Variants in LRRC7 observed in about 807,000 individuals in gnomAD.
LRRC7 encodes the protein leucine rich repeat containing 7, also known as leucine-rich repeat-containing protein 7.
Under a neutral mutation model 175.7 loss-of-function variants are expected in LRRC7, and 23 were observed. That is an observed-to-expected ratio of 0.13 (90% CI 0.09 to 0.19). The LOEUF (loss-of-function observed/expected upper bound fraction) is 0.19. LRRC7 is among the 10% of genes least tolerant of loss of function. The probability of loss-of-function intolerance (pLI) is 1.00; values close to 1 mark genes in which losing one functional copy is unlikely to be tolerated. For synonymous variants in LRRC7, 685 were observed against 680.9 expected, an observed-to-expected ratio of 1.01 and a Z score of -0.09; for missense variants, 1,354 against 1,904.7, an observed-to-expected ratio of 0.71 and a Z score of 5.38.
chr1:69,736,207 A>C (rs113879697), intron 2 of LRRC7, among the ~76,000 whole-genome samples: 1,626 of 152,228 alleles, frequency 0.011, 38 homozygotes, highest in African/African-American at 0.037. Flanking sequence ...GTATTCTGTA[A>C]TGTACTTTTT....
intron 8 of LRRC7, among the ~76,000 whole-genome samples, chr1:69,969,773 A>T (rs1652037983): frequency 1.3e-5 from 2 of 152,196 alleles, no homozygotes; most frequent in Admixed American, 1.3e-4. Context: ...ACCCCAGAAC[A>T]AATAGACTTA....
intron 8 of LRRC7, among the ~76,000 whole-genome samples, chr1:69,934,620 A>G (rs1647793187): frequency 6.6e-6 from 1 of 151,926 alleles, no homozygotes; most frequent in Non-Finnish European, 1.5e-5. Flanking sequence ...GAGAGTAAGG[A>G]TCATTCATGA....
chr1:69,887,732 T>TTC (rs1340818862), intron 7 of LRRC7, among the ~76,000 whole-genome samples: 1 of 150,112 alleles, frequency 6.7e-6, no homozygotes, highest in Non-Finnish European at 1.5e-5. Flanking sequence ...TTCTGTTTTT[T>TTC]CCCCATCTTT....
At chr1:69,912,379 G>C (rs372924792) in intron 7 of LRRC7, among the ~76,000 whole-genome samples, 1 of 152,024 alleles carries the variant, frequency 6.6e-6, no homozygotes, top group Admixed American at 6.6e-5. Flanking sequence ...GCTTAACTTG[G>C]CTTAACTATT....
intron 7 of LRRC7, among the ~76,000 whole-genome samples, chr1:69,928,404 C>A (rs1419600258): frequency 6.6e-6 from 1 of 152,224 alleles, no homozygotes; most frequent in Non-Finnish European, 1.5e-5. Context: ...TGCACTGCCC[C>A]CAGCGGTGGA....
intron 1 of LRRC7, among the ~76,000 whole-genome samples, chr1:69,585,122 T>TA (rs1557436649): frequency 6.6e-6 from 1 of 152,176 alleles, no homozygotes; most frequent in Non-Finnish European, 1.5e-5. Context: ...CTCAAACATT[T>TA]ACAAAACTAC....
At chr1:69,731,614 CAAAGGT>C (rs1667592302) in intron 2 of LRRC7, among the ~76,000 whole-genome samples, 2 of 152,316 alleles carry the variant, frequency 1.3e-5, no homozygotes, top group South Asian at 4.1e-4. Flanking sequence ...ACATCCTCTT[CAAAGGT>C]AACTTTTTGT....
chr1:69,585,706 C>G (rs920235901), intron 1 of LRRC7, among the ~76,000 whole-genome samples: 53 of 152,146 alleles, frequency 3.5e-4, no homozygotes, highest in African/African-American at 1.2e-3. Flanking sequence ...AAGTTGTGAG[C>G]TATCACAGTA....
intron 25 of LRRC7, among the ~76,000 whole-genome samples, chr1:70,096,487 A>C (rs1258406857): frequency 2.0e-5 from 3 of 152,132 alleles, no homozygotes. Context: ...GAAAACAAGC[A>C]ACCTCTCTAG....
At chr1:69,670,031 T>C (rs1658842036) in intron 1 of LRRC7, among the ~76,000 whole-genome samples, 1 of 152,218 alleles carries the variant, frequency 6.6e-6, no homozygotes, top group Non-Finnish European at 1.5e-5. Flanking sequence ...CTATTTTGAA[T>C]TATCTGTCTA....
chr1:69,571,506 A>G (rs551066098), intron 1 of LRRC7, among the ~76,000 whole-genome samples: 1 of 152,306 alleles, frequency 6.6e-6, no homozygotes, highest in African/African-American at 2.4e-5. Flanking sequence ...AAAGTAATAA[A>G]CTATATTATC....
At chr1:69,989,892 A>G (rs1392540799) in intron 10 of LRRC7, among the ~76,000 whole-genome samples, 2 of 152,156 alleles carry the variant, frequency 1.3e-5, no homozygotes, top group Non-Finnish European at 2.9e-5. Flanking sequence ...CATAGAACAA[A>G]AAGAGCTTAT....
chr1:69,952,942 A>G (rs949267447), intron 8 of LRRC7, among the ~76,000 whole-genome samples: 1 of 151,056 alleles, frequency 6.6e-6, no homozygotes, highest in Non-Finnish European at 1.5e-5. Context: ...GCTTATAAAG[A>G]AATGTGAAGC....
chr1:69,814,593 A>G (rs1266978560), intron 4 of LRRC7, among the ~76,000 whole-genome samples: 2 of 152,190 alleles, frequency 1.3e-5, no homozygotes, highest in African/African-American at 4.8e-5. Context: ...CAGTTAAGTG[A>G]CAAAACTGGT....
intron 8 of LRRC7, among the ~76,000 whole-genome samples, chr1:69,975,131 C>T (rs1481323995): frequency 6.6e-6 from 1 of 152,106 alleles, no homozygotes; most frequent in African/African-American, 2.4e-5. Context: ...TACCTAAAGT[C>T]CCCAGTAAAA....
chr1:69,632,412 A>G (rs1652661493), intron 1 of LRRC7, among the ~76,000 whole-genome samples: 1 of 152,184 alleles, frequency 6.6e-6, no homozygotes, highest in African/African-American at 2.4e-5. Context: ...ACTCCCTTAT[A>G]GCATTTTAAA....
chr1:69,903,099 A>C (rs1238898991), intron 7 of LRRC7, among the ~76,000 whole-genome samples: 5 of 152,254 alleles, frequency 3.3e-5, no homozygotes, highest in African/African-American at 1.2e-4. Flanking sequence ...TAACCATGGC[A>C]AAAAGTTATT....
intron 8 of LRRC7, among the ~76,000 whole-genome samples, chr1:69,939,901 G>C (rs1001848650): frequency 6.6e-6 from 1 of 152,056 alleles, no homozygotes; most frequent in African/African-American, 2.4e-5. Context: ...TGTCTGAAAA[G>C]CAATCATTCC....
At chr1:69,677,368 G>A (rs1194126659) in intron 1 of LRRC7, among the ~76,000 whole-genome samples, 1 of 150,738 alleles carries the variant, frequency 6.6e-6, no homozygotes, top group Non-Finnish European at 1.5e-5. Flanking sequence ...TGTGAATTCT[G>A]GTGTAATAAA....
Sources: gnomAD v4.1 joint callset for allele counts (sites outside exome capture counted in the v4.1 genomes callset) on GRCh38, gnomAD v4.1.1 for gene constraint, MANE v1.5 for transcripts, NCBI Gene and HGNC (gene_info 2026-07-23, HGNC 2026-07-21) for gene names.